CFAP44: variants seen among roughly 807,000 people sequenced by gnomAD.
CFAP44 encodes cilia- and flagella-associated protein 44.
Under a neutral mutation model 216.2 loss-of-function variants are expected in CFAP44, and 134 were observed. That is an observed-to-expected ratio of 0.62 (90% CI 0.54 to 0.72). CFAP44 has a LOEUF of 0.72. Among genes scored for constraint, CFAP44 ranks in the 30% least tolerant of loss-of-function variants. The probability of loss-of-function intolerance (pLI) is 0.00; values close to 1 mark genes in which losing one functional copy is unlikely to be tolerated. For missense variants in CFAP44, 2,035 were observed against 2,182.1 expected (o/e 0.93, Z 1.34); for synonymous variants, 700 against 727.6 (o/e 0.96, Z 0.61).
chr3:113,357,177 C>G (rs76811219), intron 22 of CFAP44, among the ~76,000 whole-genome samples: 1 of 152,058 alleles, frequency 6.6e-6, no homozygotes, highest in Non-Finnish European at 1.5e-5. Flanking sequence ...GATGCTACTA[C>G]AGAATAGCTG....
At chr3:113,367,574 G>C (rs1052119013) in intron 18 of CFAP44, among the ~76,000 whole-genome samples, 8 of 152,168 alleles carry the variant, frequency 5.3e-5, no homozygotes, top group Non-Finnish European at 1.0e-4. Flanking sequence ...AACACCATCT[G>C]TAGGTCACCA....
chr3:113,420,229 G>A, intron 4 of CFAP44, 50 bp from the exon 5 acceptor site: 2 of 1,507,414 alleles, frequency 1.3e-6, no homozygotes, highest in Non-Finnish European at 1.8e-6. Flanking sequence ...ACCATCCTAG[G>A]GATTGGAAAA....
At chr3:113,333,359 G>A in intron 25 of CFAP44, 47 bp downstream of exon 25, 1 of 1,489,626 alleles carries the variant, frequency 6.7e-7, no homozygotes, top group Non-Finnish European at 8.9e-7. Flanking sequence ...ATTTAATTAA[G>A]AACCCAGGGT....
rs183022277 is a variant in CFAP44 at position 113,347,889 on chromosome 3, G to T, written c.3066-3177C>A. Among the ~76,000 whole-genome samples, 171 of 152,220 alleles carry T rather than the reference G, an allele frequency of 1.1e-3. 1 individual carries two copies. The highest frequency in any genetic ancestry group is 3.1e-3 in the African/African-American group (130 of 41,546). On this transcript the variant is annotated intron_variant, in intron 22 of 34. Transcript: ENST00000393845. ...ATGCCTAGGACTCTAACAGGTTTTT[G>T]AGTATGCATCAGTAAGGGCCACTAA... is the stretch of plus-strand genomic sequence containing the variant.
intron 28 of CFAP44, among the ~76,000 whole-genome samples, chr3:113,323,294 T>C (rs1206034134): frequency 6.6e-6 from 1 of 152,138 alleles, no homozygotes; most frequent in Admixed American, 6.5e-5. Context: ...AAAAAAAGAA[T>C]GAAATCATGA....
Position 113,330,313 on chromosome 3 carries a change from G to C in CFAP44, c.3971C>G (p.Ser1324Cys). ...DGDLTTRDSISRSSKASTFSL... is the reference protein window; with the variant it reads ...DGDLTTRDSICRSSKASTFSL... The stretch of plus-strand genomic sequence containing the variant: ...GAATGTTGATGCCTTTGATGATCTA[G>C]ATATTGAATCACGGGTTGTCAAATC... Residue 1324 changes from serine to cysteine, a missense_variant, in exon 26 of 35, where the codon TCT (serine) becomes TGT (cysteine). Physicochemically the swap from Ser to Cys is moderately radical, Grantham distance 112 (BLOSUM62 -1). This residue lies in a region of CFAP44 where 1,883 missense variants were observed against 2,023.7 expected (regional missense o/e 0.93). Transcript: ENST00000393845. 1 of 1,537,276 alleles carries C rather than the reference G, an allele frequency of 6.5e-7. No homozygotes were observed. The highest frequency in any genetic ancestry group is 8.7e-7 in the Non-Finnish European group (1 of 1,146,908).
At position 113,347,780 on chromosome 3, in the gene CFAP44, T is replaced by G. The variant is rs541467041; in HGVS notation, c.3066-3068A>C. Among the ~76,000 whole-genome samples the G allele has an allele frequency of 8.5e-5, 13 of 152,246 alleles. No individual in the cohort carries two copies. In the South Asian group the frequency reaches 2.7e-3, roughly 32 times the overall value. On this transcript the variant is annotated intron_variant, in intron 22 of 34. Transcript: ENST00000393845. Reference sequence around the variant, plus strand: ...CTTCCAACCCCAGAGATCCCTTCCCTCCCTCAGGGTATGGTCCTCTACTTC... The same window carrying G: ...CTTCCAACCCCAGAGATCCCTTCCCGCCCTCAGGGTATGGTCCTCTACTTC...
intron 1 of CFAP44, among the ~76,000 whole-genome samples, chr3:113,436,289 G>A (rs894938703): frequency 6.6e-6 from 1 of 151,852 alleles, no homozygotes; most frequent in African/African-American, 2.4e-5. Context: ...TACAGAGTTT[G>A]GTTATAAATG....
intron 27 of CFAP44, among the ~76,000 whole-genome samples, chr3:113,327,341 G>A (rs539768094): frequency 6.6e-6 from 1 of 152,056 alleles, no homozygotes; most frequent in African/African-American, 2.4e-5. Flanking sequence ...CTGGTGTAGA[G>A]TGGCACAATC....
intron 27 of CFAP44, among the ~76,000 whole-genome samples, chr3:113,327,041 A>G (rs1383284521): frequency 6.6e-6 from 1 of 152,184 alleles, no homozygotes; most frequent in Non-Finnish European, 1.5e-5. Context: ...TGAAGCTAAT[A>G]TACCTAAAAA....
intron 2 of CFAP44, among the ~76,000 whole-genome samples, chr3:113,432,794 C>T (rs1417508703): frequency 1.3e-5 from 2 of 152,096 alleles, no homozygotes; most frequent in Admixed American, 1.3e-4. Flanking sequence ...AAACTAATAC[C>T]TCATTTATTT....
intron 2 of CFAP44, among the ~76,000 whole-genome samples, chr3:113,430,429 G>GAA (rs754983161): frequency 1.8e-3 from 135 of 74,190 alleles, no homozygotes; most frequent in African/African-American, 3.6e-3. Flanking sequence ...AAAAATAAAT[G>GAA]AAAAAAAAAA....
At chr3:113,319,621 C>T (rs1240654303) in intron 28 of CFAP44, among the ~76,000 whole-genome samples, 4 of 151,656 alleles carry the variant, frequency 2.6e-5, no homozygotes, top group Admixed American at 2.6e-4. Context: ...AATCCAACAA[C>T]TTAGAATATA....
intron 22 of CFAP44, among the ~76,000 whole-genome samples, chr3:113,351,867 T>C (rs763211898): frequency 2.0e-5 from 3 of 152,170 alleles, no homozygotes; most frequent in Non-Finnish European, 4.4e-5. Flanking sequence ...GTCTTACAAA[T>C]AGAACCTAAT....
chr3:113,372,053 G>A (rs1456449895), intron 18 of CFAP44, among the ~76,000 whole-genome samples: 2 of 152,134 alleles, frequency 1.3e-5, no homozygotes, highest in Non-Finnish European at 2.9e-5. Context: ...CAGTTAGAAT[G>A]GCACTCATTA....
chr3:113,369,113 C>T (rs1049598727), intron 18 of CFAP44, among the ~76,000 whole-genome samples: 4 of 152,162 alleles, frequency 2.6e-5, no homozygotes, highest in African/African-American at 9.6e-5. Context: ...TACAAAGAGA[C>T]TTAGACTCCC....
At chr3:113,401,134 G>A (rs941695164) in intron 11 of CFAP44, 106 bp downstream of exon 11, 3 of 1,065,264 alleles carry the variant, frequency 2.8e-6, no homozygotes. Flanking sequence ...AGTTTTTTAT[G>A]AGGACCATGA....
chr3:113,332,044 T>C (rs562801055), intron 25 of CFAP44, among the ~76,000 whole-genome samples: 7 of 152,216 alleles, frequency 4.6e-5, no homozygotes, highest in Non-Finnish European at 1.0e-4. Context: ...TCCAGTCTTC[T>C]GACTTGTAGA....
At chr3:113,376,177 A>C (rs1294721599) in intron 17 of CFAP44, among the ~76,000 whole-genome samples, 1 of 152,218 alleles carries the variant, frequency 6.6e-6, no homozygotes, top group Non-Finnish European at 1.5e-5. Context: ...GAAAGAGAAG[A>C]ATCCTTAATA....
Sources: gnomAD v4.1 joint callset for allele counts (sites outside exome capture counted in the v4.1 genomes callset) on GRCh38, gnomAD v4.1.1 for gene constraint, gnomAD v4.1.1 regional missense constraint, MANE v1.5 for transcripts, NCBI Gene and HGNC (gene_info 2026-07-23, HGNC 2026-07-21) for gene names.